The following CCNC variants were observed in gnomAD, a reference collection of about 807,000 sequenced individuals.
The protein encoded by CCNC is cyclin C, also known as cyclin-C.
CCNC carries 19 observed loss-of-function variants against 50.0 expected under a neutral mutation model. The ratio of observed to expected loss-of-function variants is 0.38; its 90% CI spans 0.27 to 0.56. The LOEUF (loss-of-function observed/expected upper bound fraction) is 0.56, where lower values mean the gene tolerates loss of function less well. Among genes scored for constraint, CCNC ranks in the 20% least tolerant of loss-of-function variants. CCNC has a pLI of 0.72. For synonymous variants in CCNC, 93 were observed against 103.7 expected, an observed-to-expected ratio of 0.90 and a Z score of 0.63; for missense variants, 200 against 327.1, an observed-to-expected ratio of 0.61 and a Z score of 3.00.
chr6:99,562,996 C>G (rs1562494747), intron 1 of CCNC, 48 bp from the exon 2 acceptor site: 1 of 1,174,284 alleles, frequency 8.5e-7, no homozygotes, highest in South Asian at 1.3e-5. Flanking sequence ...TCAGAGGAAA[C>G]ACTCTAAGAT....
chr6:99,557,361 T>G (rs940498176), intron 5 of CCNC: 1 of 152,076 alleles, frequency 6.6e-6, no homozygotes, highest in Non-Finnish European at 1.5e-5. Flanking sequence ...TTGTTGTCAT[T>G]GAAGATGATG....
At chr6:99,559,970 T>C (rs892104506) in intron 4 of CCNC, among the ~76,000 whole-genome samples, 1 of 152,100 alleles carries the variant, frequency 6.6e-6, no homozygotes, top group East Asian at 1.9e-4. Context: ...TCCACCCGCC[T>C]GAGCCTCCCA....
intron 5 of CCNC, among the ~76,000 whole-genome samples, chr6:99,554,144 T>C (rs1802421155): frequency 6.6e-6 from 1 of 152,088 alleles, no homozygotes; most frequent in African/African-American, 2.4e-5. Context: ...AATGCCCCTC[T>C]ACTGGAATTT....
upstream of CCNC, chr6:99,568,751 G>C: frequency 1.4e-6 from 2 of 1,380,160 alleles, no homozygotes; most frequent in Non-Finnish European, 1.9e-6. Context: ...AAAAGTTCCG[G>C]CCCGCGGTAG....
intron 10 of CCNC, 146 bp from the exon 11 acceptor site, chr6:99,545,376 C>T: frequency 1.7e-6 from 1 of 573,772 alleles, no homozygotes; most frequent in Non-Finnish European, 3.1e-6. Flanking sequence ...GTATTTTTCA[C>T]CACAGTGCTG....
At chr6:99,556,784 G>C (rs1802528946) in intron 5 of CCNC, among the ~76,000 whole-genome samples, 2 of 152,204 alleles carry the variant, frequency 1.3e-5, no homozygotes. Context: ...AGCCCGGCGT[G>C]GTGGCACACA....
chr6:99,554,657 A>G (rs1802440817), intron 5 of CCNC, among the ~76,000 whole-genome samples: 1 of 152,120 alleles, frequency 6.6e-6, no homozygotes, highest in South Asian at 2.1e-4. Context: ...TCATCAATAG[A>G]CGTTTTTGTT....
At chr6:99,543,823 T>C in intron 11 of CCNC, 1 of 1,376,926 alleles carries the variant, frequency 7.3e-7, no homozygotes, top group Non-Finnish European at 9.4e-7. Context: ...TGCCCTCACA[T>C]ATAACAAGCA....
At chr6:99,568,705 G>C, upstream of CCNC, 1 of 1,457,118 alleles carries the variant, frequency 6.9e-7, no homozygotes, top group Non-Finnish European at 9.0e-7. Context: ...CACGCCGGCC[G>C]ACAACACTCA....
At chr6:99,545,270 A>T (rs1294366058) in intron 10 of CCNC, 40 bp from the exon 11 acceptor site, 2 of 1,037,812 alleles carry the variant, frequency 1.9e-6, no homozygotes, top group Admixed American at 3.5e-5. Flanking sequence ...TGGCAAAAAC[A>T]AGCAACATTT....
At chr6:99,561,761 G>T in intron 2 of CCNC, 80 bp from the exon 3 acceptor site, 1 of 859,904 alleles carries the variant, frequency 1.2e-6, no homozygotes, top group Non-Finnish European at 1.9e-6. Context: ...CTTCCATGTG[G>T]TTAAATCATA....
At chr6:99,555,349 A>G (rs895117151) in intron 5 of CCNC, among the ~76,000 whole-genome samples, 9 of 151,916 alleles carry the variant, frequency 5.9e-5, no homozygotes, top group Non-Finnish European at 1.2e-4. Flanking sequence ...CCACCCCCAC[A>G]TTGTTAATGA....
At chr6:99,568,009 A>C (rs1769220852) in intron 1 of CCNC, 1 of 156,016 alleles carries the variant, frequency 6.4e-6, no homozygotes, top group Non-Finnish European at 1.4e-5. Flanking sequence ...AGTAGGCAGA[A>C]ACAAGCCAGA....
chr6:99,568,414 C>G (rs1385777322), intron 1 of CCNC, 82 bp downstream of exon 1: 1 of 1,360,238 alleles, frequency 7.4e-7, no homozygotes, highest in Non-Finnish European at 1.0e-6. Flanking sequence ...GAGCTGGGAT[C>G]CAGGCCCAGG....
At chr6:99,567,937 C>T (rs971790285) in intron 1 of CCNC, among the ~76,000 whole-genome samples, 12 of 152,266 alleles carry the variant, frequency 7.9e-5, no homozygotes, top group African/African-American at 2.6e-4. Context: ...TAGAGGGCAC[C>T]TGCCCTATAC....
chr6:99,548,533 G>T (rs991544192), intron 9 of CCNC, among the ~76,000 whole-genome samples: 1 of 151,966 alleles, frequency 6.6e-6, no homozygotes, highest in Non-Finnish European at 1.5e-5. Context: ...AATAGAAGGG[G>T]CTGGGGTGCA....
chr6:99,556,197 G>T (rs562438907), intron 5 of CCNC, among the ~76,000 whole-genome samples: 57 of 152,246 alleles, frequency 3.7e-4, no homozygotes, highest in Admixed American at 1.3e-3. Context: ...TTTTTAAATT[G>T]TGTTAAGATA....
chr6:99,549,918 C>A (rs1401324303), intron 8 of CCNC, among the ~76,000 whole-genome samples: 1 of 151,604 alleles, frequency 6.6e-6, no homozygotes, highest in Non-Finnish European at 1.5e-5. Flanking sequence ...TTGCAGACTA[C>A]CAAAAAGTAT....
intron 9 of CCNC, among the ~76,000 whole-genome samples, chr6:99,549,001 G>A (rs935455478): frequency 6.6e-6 from 1 of 152,000 alleles, no homozygotes; most frequent in Non-Finnish European, 1.5e-5. Flanking sequence ...TCCCACAATT[G>A]TAAAGGAGGT....
Sources: gnomAD v4.1 joint callset for allele counts (sites outside exome capture counted in the v4.1 genomes callset) on GRCh38, gnomAD v4.1.1 for gene constraint, MANE v1.5 for transcripts, NCBI Gene and HGNC (gene_info 2026-07-23, HGNC 2026-07-21) for gene names.